Variants in EXOC4 observed in about 807,000 individuals in gnomAD.
The protein encoded by EXOC4 is SEC8-like 1.
In EXOC4, 71 loss-of-function variants were observed where a neutral mutation model predicts 107.2. The observed-to-expected ratio is 0.66, with a 90% CI of 0.55 to 0.81. The LOEUF is 0.81. Ranked by LOEUF, EXOC4 falls within the 30% of genes least tolerant of loss-of-function variation. The pLI is 0.00. For synonymous variants in EXOC4, 456 were observed against 441.2 expected (o/e 1.03, Z -0.42); for missense variants, 1,108 against 1,189.6 (o/e 0.93, Z 1.01).
chr7:133,576,550 G>T, intron 9 of EXOC4: 1 of 1,289,712 alleles, frequency 7.8e-7, no homozygotes, highest in Non-Finnish European at 1.0e-6. Flanking sequence ...AAACCAAAAT[G>T]AGCAAAGGAG....
the EXOC4 span, among the ~76,000 whole-genome samples, chr7:134,099,832 A>G: frequency 1.3e-5 from 2 of 152,246 alleles, no homozygotes; most frequent in Non-Finnish European, 2.9e-5. Flanking sequence ...TCAGTCTCCC[A>G]AGTAGCTGGG....
At position 133,502,834 on chromosome 7, in the gene EXOC4, G is replaced by T. The variant is rs148277925; in HGVS notation, c.1417+22696G>T. ...AATTTGGACATCTAATTTTCATGGA[G>T]AAATAGCAGAGCAGCAAATCTTTTA... On this transcript the variant is annotated intron_variant, in intron 9 of 17. Coordinates refer to ENST00000253861, the MANE Select transcript of EXOC4 (RefSeq NM_021807.4). Among the ~76,000 whole-genome samples the T allele has an allele frequency of 1.3e-4, 20 of 152,274 alleles. No individual in the cohort carries two copies. The East Asian group carries it at 3.7e-3, about 28-fold the overall frequency.
intron 9 of EXOC4, among the ~76,000 whole-genome samples, chr7:133,619,890 CACCCCT>C (rs548787263): frequency 2.0e-5 from 3 of 152,208 alleles, no homozygotes; most frequent in African/African-American, 7.2e-5. Flanking sequence ...TACACAAGAC[CACCCCT>C]ACAAGAGCCA....
chr7:133,545,468 A>G (rs776387300), intron 9 of EXOC4, among the ~76,000 whole-genome samples: 12 of 152,198 alleles, frequency 7.9e-5, no homozygotes, highest in South Asian at 2.1e-4. Context: ...AATAAATACT[A>G]GGTTCTTTCC....
chr7:133,974,983 G>A (rs972473049), intron 14 of EXOC4, among the ~76,000 whole-genome samples: 2 of 151,538 alleles, frequency 1.3e-5, no homozygotes, highest in African/African-American at 4.8e-5. Context: ...TGGACCATTT[G>A]CAGCAACTAA....
chr7:133,827,189 T>C (rs1797722881), intron 11 of EXOC4, among the ~76,000 whole-genome samples: 1 of 152,226 alleles, frequency 6.6e-6, no homozygotes, highest in South Asian at 2.1e-4. Flanking sequence ...AGTAGTGCCT[T>C]TATTGATATA....
At chr7:133,378,434 T>C (rs1796539405) in intron 7 of EXOC4, among the ~76,000 whole-genome samples, 1 of 152,048 alleles carries the variant, frequency 6.6e-6, no homozygotes, top group Admixed American at 6.6e-5. Context: ...AAAAATGCTT[T>C]TCCCCCCCAC....
chr7:133,395,570 G>C (rs1796952442), intron 7 of EXOC4, among the ~76,000 whole-genome samples: 1 of 152,118 alleles, frequency 6.6e-6, no homozygotes, highest in Non-Finnish European at 1.5e-5. Flanking sequence ...CCCAGAATGT[G>C]ATTGTTATGA....
chr7:133,349,153 C>T (rs139312835), intron 5 of EXOC4, among the ~76,000 whole-genome samples: 34 of 151,376 alleles, frequency 2.2e-4, no homozygotes, highest in African/African-American at 7.8e-4. Flanking sequence ...ATTGTGGTAA[C>T]GTCACATACC....
chr7:133,995,410 A>G (rs1178190661), intron 14 of EXOC4, among the ~76,000 whole-genome samples: 1 of 152,180 alleles, frequency 6.6e-6, no homozygotes, highest in East Asian at 1.9e-4. Context: ...TACAGTCACT[A>G]TCACCCAATA....
intron 10 of EXOC4, among the ~76,000 whole-genome samples, chr7:133,633,380 A>G (rs142289412): frequency 6.6e-6 from 1 of 152,108 alleles, no homozygotes; most frequent in Non-Finnish European, 1.5e-5. Context: ...TCTTTTTCTA[A>G]TTGATTACAA....
intron 11 of EXOC4, among the ~76,000 whole-genome samples, chr7:133,851,331 C>T (rs1798235737): frequency 6.6e-6 from 1 of 152,092 alleles, no homozygotes; most frequent in South Asian, 2.1e-4. Flanking sequence ...AAAATATTTG[C>T]AGAGAGGTGG....
chr7:133,707,221 T>A (rs575503321), intron 10 of EXOC4, among the ~76,000 whole-genome samples: 1 of 152,270 alleles, frequency 6.6e-6, no homozygotes, highest in South Asian at 2.1e-4. Context: ...AGATCCATGA[T>A]TAGCCAAGAA....
chr7:133,522,556 C>T (rs1800000208), intron 9 of EXOC4, among the ~76,000 whole-genome samples: 2 of 151,984 alleles, frequency 1.3e-5, no homozygotes, highest in Non-Finnish European at 2.9e-5. Context: ...GAAAGCCAAA[C>T]TTGAAAATAA....
intron 9 of EXOC4, among the ~76,000 whole-genome samples, chr7:133,568,955 G>A (rs1005859441): frequency 5.3e-5 from 8 of 152,096 alleles, no homozygotes; most frequent in South Asian, 2.1e-4. Context: ...TATGATTCAC[G>A]TTTGTTAAGA....
chr7:133,619,118 A>C (rs930754736), intron 9 of EXOC4, among the ~76,000 whole-genome samples: 4 of 152,162 alleles, frequency 2.6e-5, no homozygotes, highest in African/African-American at 9.7e-5. Flanking sequence ...AGTAATCCAG[A>C]TGCTTCTAAT....
At chr7:133,377,587 CAG>C (rs2150694293) in intron 7 of EXOC4, among the ~76,000 whole-genome samples, 2 of 152,070 alleles carry the variant, frequency 1.3e-5, no homozygotes, top group African/African-American at 4.8e-5. Context: ...GGAGAGAGGA[CAG>C]AGAGATTGGG....
intron 10 of EXOC4, among the ~76,000 whole-genome samples, chr7:133,793,371 C>A (rs185938737): frequency 0.011 from 1,661 of 152,088 alleles, 37 homozygotes; most frequent in Non-Finnish European, 0.011. Flanking sequence ...GTGCCCAGAC[C>A]CAGGCAGTTT....
chr7:133,874,351 C>T (rs1206303561), intron 11 of EXOC4, among the ~76,000 whole-genome samples: 1 of 152,130 alleles, frequency 6.6e-6, no homozygotes, highest in Non-Finnish European at 1.5e-5. Context: ...ATGCTGGGTT[C>T]GCAACAACCA....
Sources: gnomAD v4.1 joint callset for allele counts (sites outside exome capture counted in the v4.1 genomes callset) on GRCh38, gnomAD v4.1.1 for gene constraint, MANE v1.5 for transcripts, NCBI Gene and HGNC (gene_info 2026-07-23, HGNC 2026-07-21) for gene names.